KCNIP4: variants seen among roughly 807,000 people sequenced by gnomAD.
KCNIP4 encodes potassium voltage-gated channel interacting protein 4, also known as Kv channel-interacting protein 4.
A neutral mutation model predicts 34.0 loss-of-function variants in KCNIP4; 12 were observed. That is an observed-to-expected ratio of 0.35 (90% CI 0.23 to 0.57). The LOEUF is 0.57. Ranked by LOEUF, KCNIP4 falls within the 20% of genes least tolerant of loss-of-function variation. The probability of loss-of-function intolerance (pLI) is 0.83; values close to 1 mark genes in which losing one functional copy is unlikely to be tolerated. For synonymous variants in KCNIP4, 124 were observed against 102.2 expected, an observed-to-expected ratio of 1.21 and a Z score of -1.29; for missense variants, 238 against 311.7, an observed-to-expected ratio of 0.76 and a Z score of 1.78.
rs1393798662 is a variant in KCNIP4 at position 21,030,514 on chromosome 4, G to C, written c.62-147805C>G. 2.6e-5 allele frequency among the ~76,000 whole-genome samples: 4 copies of C among 152,122 alleles called. No individual in the cohort carries two copies. In the East Asian group the frequency reaches 7.7e-4, roughly 29 times the overall value. ...GCTGCTCCCCACGTCCATGGAAAAAGTGCCTTCATGAAATTGGTCTCTGGT... is the reference window on the plus strand; with the variant it reads ...GCTGCTCCCCACGTCCATGGAAAAACTGCCTTCATGAAATTGGTCTCTGGT... On this transcript the variant is annotated intron_variant, in intron 1 of 8. Coordinates refer to ENST00000382152, the MANE Select transcript of KCNIP4 (RefSeq NM_025221.6).
In KCNIP4 at chr4:21,841,609, G is replaced by A. The variant is rs1050994129; in HGVS notation, c.61+106962C>T. Among the ~76,000 whole-genome samples, 6 of 152,006 alleles carry A rather than the reference G, an allele frequency of 3.9e-5. No individual in the cohort carries two copies. The East Asian group carries it at 1.2e-3, about 29-fold the overall frequency. ...TTTTAAGATGACTGTCCAATTTCAT[G>A]GAACATATCCCTGTTCTCCTAAAAG... On this transcript the variant is annotated intron_variant, in intron 1 of 8. Coordinates refer to ENST00000382152, the MANE Select transcript of KCNIP4 (RefSeq NM_025221.6).
intron 1 of KCNIP4, among the ~76,000 whole-genome samples, chr4:21,523,561 T>C (rs1475305417): frequency 6.6e-6 from 1 of 152,024 alleles, no homozygotes; most frequent in Non-Finnish European, 1.5e-5. Flanking sequence ...TCCTTCCTTT[T>C]ACTTTCCTTC....
chr4:21,516,224 C>T (rs1399385204), intron 1 of KCNIP4, among the ~76,000 whole-genome samples: 3 of 152,178 alleles, frequency 2.0e-5, no homozygotes, highest in Non-Finnish European at 4.4e-5. Flanking sequence ...TCATTTCCCC[C>T]TTTGTTGTCC....
intron 1 of KCNIP4, among the ~76,000 whole-genome samples, chr4:21,104,712 G>T (rs914946828): frequency 3.3e-5 from 5 of 151,100 alleles, no homozygotes; most frequent in Admixed American, 2.0e-4. Flanking sequence ...TTCTTCTAGG[G>T]TTTTTATGGT....
chr4:20,831,579 C>CA (rs757829315), intron 3 of KCNIP4, among the ~76,000 whole-genome samples: 4 of 152,142 alleles, frequency 2.6e-5, no homozygotes, highest in Non-Finnish European at 5.9e-5. Context: ...GTCACACACA[C>CA]ACAAAACTAA....
intron 1 of KCNIP4, among the ~76,000 whole-genome samples, chr4:21,197,501 A>G (rs1004700669): frequency 6.6e-6 from 1 of 152,250 alleles, no homozygotes; most frequent in African/African-American, 2.4e-5. Flanking sequence ...ATTTTTTTCA[A>G]TATTGAAATT....
chr4:21,216,814 G>GA (rs910888453), intron 1 of KCNIP4, among the ~76,000 whole-genome samples: 2 of 152,002 alleles, frequency 1.3e-5, no homozygotes, highest in Non-Finnish European at 2.9e-5. Flanking sequence ...ATTTAAGATA[G>GA]AAAAATCCAT....
intron 1 of KCNIP4, among the ~76,000 whole-genome samples, chr4:21,422,836 T>G (rs1233113851): frequency 6.6e-6 from 1 of 152,124 alleles, no homozygotes; most frequent in Admixed American, 6.5e-5. Flanking sequence ...TAGAGAACTA[T>G]GGCATGGAGA....
intron 1 of KCNIP4, among the ~76,000 whole-genome samples, chr4:21,604,131 A>G (rs1403963843): frequency 1.3e-5 from 2 of 152,162 alleles, no homozygotes; most frequent in East Asian, 3.8e-4. Context: ...ATGAAGTAAA[A>G]TATATTAATT....
intron 1 of KCNIP4, among the ~76,000 whole-genome samples, chr4:21,538,369 T>C (rs1737397515): frequency 6.6e-6 from 1 of 152,138 alleles, no homozygotes; most frequent in African/African-American, 2.4e-5. Context: ...ACATGCAAGG[T>C]GCTATGCTCA....
chr4:20,773,325 G>A (rs918762910), intron 3 of KCNIP4, among the ~76,000 whole-genome samples: 4 of 152,166 alleles, frequency 2.6e-5, no homozygotes, highest in Non-Finnish European at 1.5e-5. Flanking sequence ...TTCTTCAGAG[G>A]CTATGAAGGG....
chr4:20,810,169 G>A (rs896878391), intron 3 of KCNIP4, among the ~76,000 whole-genome samples: 2 of 152,154 alleles, frequency 1.3e-5, no homozygotes, highest in African/African-American at 2.4e-5. Context: ...CCTCATTGCT[G>A]TTGTCACTGG....
intron 1 of KCNIP4, chr4:21,697,424 C>T: frequency 6.4e-7 from 1 of 1,555,740 alleles, no homozygotes; most frequent in Non-Finnish European, 8.6e-7. Flanking sequence ...ACACCGCTTT[C>T]TACAGCCACT....
intron 1 of KCNIP4, among the ~76,000 whole-genome samples, chr4:20,963,871 G>A (rs1242988705): frequency 6.6e-6 from 1 of 151,904 alleles, no homozygotes; most frequent in Non-Finnish European, 1.5e-5. Flanking sequence ...ACAGCTCTTT[G>A]AGCTTTGTTA....
intron 8 of KCNIP4, 125 bp from the exon 9 acceptor site, chr4:20,730,254 T>C: frequency 1.6e-6 from 2 of 1,231,348 alleles, no homozygotes; most frequent in South Asian, 1.9e-5. Flanking sequence ...AGCTCAAATA[T>C]TAAGTGTTTG....
intron 1 of KCNIP4, among the ~76,000 whole-genome samples, chr4:21,327,841 C>A (rs1715246272): frequency 6.6e-6 from 1 of 151,968 alleles, no homozygotes; most frequent in South Asian, 2.1e-4. Flanking sequence ...TTAAGAAAGT[C>A]TGATGCATTC....
chr4:21,635,520 C>T (rs1746079903), intron 1 of KCNIP4, among the ~76,000 whole-genome samples: 7 of 151,882 alleles, frequency 4.6e-5, no homozygotes. Context: ...TTTATGCAGC[C>T]AAAAAACACA....
intron 1 of KCNIP4, among the ~76,000 whole-genome samples, chr4:21,934,903 AG>A (rs1474083487): frequency 1.3e-5 from 2 of 152,136 alleles, no homozygotes; most frequent in Non-Finnish European, 2.9e-5. Context: ...CCCTCTTACC[AG>A]GGTATTCCTC....
chr4:21,513,662 T>G (rs372241445), intron 1 of KCNIP4, among the ~76,000 whole-genome samples: 3 of 152,252 alleles, frequency 2.0e-5, no homozygotes, highest in Non-Finnish European at 4.4e-5. Flanking sequence ...GGCAGAACCT[T>G]CAGCCTTCAC....
Sources: gnomAD v4.1 joint callset for allele counts (sites outside exome capture counted in the v4.1 genomes callset) on GRCh38, gnomAD v4.1.1 for gene constraint, MANE v1.5 for transcripts, NCBI Gene and HGNC (gene_info 2026-07-23, HGNC 2026-07-21) for gene names.